MAST4: variants seen among roughly 807,000 people sequenced by gnomAD.
The protein encoded by MAST4 is microtubule associated serine/threonine kinase family member 4.
In MAST4, 89 loss-of-function variants were observed where a neutral mutation model predicts 162.7. The observed-to-expected ratio is 0.55, with a 90% CI of 0.46 to 0.65. The LOEUF is 0.65. MAST4 is among the 30% of genes least tolerant of loss of function. MAST4 has a pLI of 0.00. For synonymous variants in MAST4, 1,479 were observed against 1,361.1 expected, an observed-to-expected ratio of 1.09 and a Z score of -1.91; for missense variants, 3,153 against 3,374.0, an observed-to-expected ratio of 0.93 and a Z score of 1.62.
chr5:67,042,511 C>T (rs1033693898), intron 4 of MAST4, among the ~76,000 whole-genome samples: 4 of 151,578 alleles, frequency 2.6e-5, no homozygotes, highest in African/African-American at 7.3e-5. Context: ...GGAAAACATT[C>T]CTTTGACCTC....
At chr5:67,151,525 A>G (rs1443667421) in intron 24 of MAST4, among the ~76,000 whole-genome samples, 1 of 152,242 alleles carries the variant, frequency 6.6e-6, no homozygotes, top group Non-Finnish European at 1.5e-5. Context: ...CATTCAGAGC[A>G]TAGCAGTTTG....
At chr5:67,155,371 A>T (rs977309899) in intron 26 of MAST4, among the ~76,000 whole-genome samples, 1 of 152,158 alleles carries the variant, frequency 6.6e-6, no homozygotes, top group Non-Finnish European at 1.5e-5. Flanking sequence ...CTTTCCTGCC[A>T]TGAGGAAAGC....
chr5:67,105,660 G>A (rs1035801545), intron 10 of MAST4, among the ~76,000 whole-genome samples: 2 of 152,214 alleles, frequency 1.3e-5, no homozygotes, highest in African/African-American at 4.8e-5. Flanking sequence ...GAATTTTACA[G>A]GAAAATGATC....
At chr5:66,673,530 G>GTTTTTTTTTTTTTT (rs11376867) in intron 1 of MAST4, among the ~76,000 whole-genome samples, 3 of 106,542 alleles carry the variant, frequency 2.8e-5, no homozygotes, top group Admixed American at 1.1e-4. Context: ...TTTGTTTTTT[G>GTTTTTTTTTTTTTT]TTTTTTTTTT....
chr5:66,907,798 G>C (rs1045287642), intron 4 of MAST4, among the ~76,000 whole-genome samples: 8 of 152,106 alleles, frequency 5.3e-5, no homozygotes, highest in African/African-American at 1.9e-4. Context: ...GCATTTGTGA[G>C]ATTTTCAGCA....
intron 5 of MAST4, among the ~76,000 whole-genome samples, chr5:67,069,666 C>T (rs1012957374): frequency 7.2e-5 from 11 of 152,016 alleles, no homozygotes; most frequent in South Asian, 2.1e-4. Flanking sequence ...TCCTGTGGAC[C>T]GTGCCTCCCA....
intron 4 of MAST4, 61 bp downstream of exon 4, chr5:66,900,043 T>A: frequency 1.7e-6 from 2 of 1,168,466 alleles, no homozygotes; most frequent in Non-Finnish European, 2.3e-6. Context: ...TATAGTATGA[T>A]TCTTCTCTGA....
chr5:67,113,629 A>G (rs1766528681), intron 11 of MAST4, among the ~76,000 whole-genome samples: 1 of 152,186 alleles, frequency 6.6e-6, no homozygotes, highest in Non-Finnish European at 1.5e-5. Flanking sequence ...ATACGTCTAT[A>G]TTAAGAGAGT....
At chr5:66,916,904 C>A in intron 4 of MAST4, 1 of 693,552 alleles carries the variant, frequency 1.4e-6, no homozygotes, top group Non-Finnish European at 2.7e-6. Context: ...CCCTTTCTCC[C>A]CTCCCCACAA....
At chr5:66,738,311 A>C (rs780867960) in intron 1 of MAST4, 69 of 152,372 alleles carry the variant, frequency 4.5e-4, no homozygotes, top group Non-Finnish European at 8.1e-4. Context: ...TAGCCTGGAA[A>C]GGACACACCC....
At chr5:67,136,732 C>A in intron 19 of MAST4, 68 bp downstream of exon 19, 1 of 1,282,788 alleles carries the variant, frequency 7.8e-7, no homozygotes, top group Non-Finnish European at 1.1e-6. Flanking sequence ...CACTCTGAAG[C>A]TTTTGTTGTT....
intron 1 of MAST4, among the ~76,000 whole-genome samples, chr5:66,656,584 G>A (rs926323421): frequency 2.0e-5 from 3 of 151,954 alleles, no homozygotes; most frequent in African/African-American, 7.3e-5. Context: ...TGTGGGGGTG[G>A]GACTCTAGAT....
chr5:66,705,764 T>C (rs547553274), intron 1 of MAST4, among the ~76,000 whole-genome samples: 5 of 152,350 alleles, frequency 3.3e-5, no homozygotes, highest in African/African-American at 1.2e-4. Context: ...TAATCAGTCA[T>C]GCAATGAAAA....
At chr5:66,657,171 T>G (rs1033749497) in intron 1 of MAST4, among the ~76,000 whole-genome samples, 1 of 152,238 alleles carries the variant, frequency 6.6e-6, no homozygotes, top group African/African-American at 2.4e-5. Flanking sequence ...ATCATCTGTC[T>G]TTGCCTTCTT....
At chr5:67,033,347 C>CT (rs5868472) in intron 4 of MAST4, among the ~76,000 whole-genome samples, 18,813 of 111,946 alleles carry the variant, frequency 0.17, 1,543 homozygotes, top group Middle Eastern at 0.29. Context: ...GTGTGTGTGG[C>CT]TTTTTTTTTT....
intron 3 of MAST4, among the ~76,000 whole-genome samples, chr5:66,899,022 A>G (rs2149974862): frequency 6.6e-6 from 1 of 152,332 alleles, no homozygotes; most frequent in East Asian, 1.9e-4. Flanking sequence ...CAAGCACCTG[A>G]AAGGCAGAAA....
intron 4 of MAST4, among the ~76,000 whole-genome samples, chr5:67,014,175 T>C (rs571280482): frequency 7.0e-4 from 106 of 152,284 alleles, no homozygotes; most frequent in Admixed American, 5.9e-4. Flanking sequence ...TAAACACAAG[T>C]AATTTGCTAA....
intron 4 of MAST4, among the ~76,000 whole-genome samples, chr5:67,022,645 T>A (rs987907013): frequency 3.3e-5 from 5 of 152,132 alleles, no homozygotes; most frequent in Admixed American, 6.6e-5. Context: ...TCATCAGTAT[T>A]TCAAGGAAAC....
intron 4 of MAST4, among the ~76,000 whole-genome samples, chr5:67,053,864 T>G (rs1758472619): frequency 6.6e-6 from 1 of 152,180 alleles, no homozygotes; most frequent in African/African-American, 2.4e-5. Flanking sequence ...TTTACCTTAA[T>G]AAAGAATTGA....
Sources: allele counts gnomAD v4.1 joint callset (sites outside exome capture counted in the v4.1 genomes callset), GRCh38; gene constraint gnomAD v4.1.1; transcripts MANE v1.5; gene names NCBI Gene and HGNC (gene_info 2026-07-23, HGNC 2026-07-21).